C16orf96: variants seen among roughly 807,000 people sequenced by gnomAD.
C16orf96 encodes chromosome 16 open reading frame 96, also known as uncharacterized protein C16orf96.
A neutral mutation model predicts 103.6 loss-of-function variants in C16orf96; 108 were observed. The observed-to-expected ratio is 1.04, with a 90% CI of 0.89 to 1.22. The LOEUF is 1.22. C16orf96 is among the 50% of genes most tolerant of loss of function. The pLI, the probability that C16orf96 is intolerant of heterozygous loss-of-function variation, is 0.00. For missense variants in C16orf96, 1,586 were observed against 1,464.2 expected (o/e 1.08, Z -1.36); for synonymous variants, 566 against 593.5 (o/e 0.95, Z 0.67).
In C16orf96 at chr16:4,563,062, T is replaced by G. The variant is rs534528554; in HGVS notation, c.420+6153T>G. ...CAGAAGATGACAGAGCTCTCCAAGTTTCGCCTGTCTTTTGCTTCTTTACAG... is the reference window on the plus strand; with the variant it reads ...CAGAAGATGACAGAGCTCTCCAAGTGTCGCCTGTCTTTTGCTTCTTTACAG... On this transcript the variant is annotated intron_variant, in intron 1 of 15. Transcript: ENST00000444310. 145 of 850,268 alleles carry G rather than the reference T, an allele frequency of 1.7e-4. No individual in the cohort carries two copies. In the South Asian group the frequency reaches 1.8e-3, roughly 10 times the overall value. The allele number at this position is 850,268 out of a possible 1,614,324, so 52.7% of individuals were successfully genotyped here. A position where few individuals can be genotyped will look rare whatever the true frequency, so the allele number is the denominator to read the frequency against.
upstream of C16orf96, among the ~76,000 whole-genome samples, chr16:4,555,080 T>C (rs956820951): frequency 4.6e-5 from 7 of 151,528 alleles, no homozygotes; most frequent in African/African-American, 1.7e-4. Context: ...CTGGCCAACA[T>C]GGTGAAACCC....
the C16orf96 span, among the ~76,000 whole-genome samples, chr16:4,542,229 G>A: frequency 6.6e-6 from 1 of 152,144 alleles, no homozygotes; most frequent in East Asian, 1.9e-4. Context: ...GCCAGCTGTG[G>A]TGGCTCATGC....
At chr16:4,582,648 C>T (rs1316854015) in intron 7 of C16orf96, among the ~76,000 whole-genome samples, 4 of 152,090 alleles carry the variant, frequency 2.6e-5, no homozygotes, top group African/African-American at 9.7e-5. Flanking sequence ...GGAACCAGGT[C>T]TCCTGCCAAC....
At chr16:4,576,769 G>C (rs904498351) in intron 5 of C16orf96, 134 bp downstream of exon 5, 1 of 939,862 alleles carries the variant, frequency 1.1e-6, no homozygotes. Flanking sequence ...CTTTCCTTTG[G>C]CTTAAGCATT....
At chr16:4,599,201 G>T in intron 14 of C16orf96, 83 bp from the exon 15 acceptor site, 1 of 1,236,512 alleles carries the variant, frequency 8.1e-7, no homozygotes, top group Non-Finnish European at 1.2e-6. Flanking sequence ...CCACCAGAGG[G>T]AGACTGCCCA....
intron 1 of C16orf96, among the ~76,000 whole-genome samples, chr16:4,564,527 A>T (rs1269376508): frequency 6.6e-6 from 1 of 152,144 alleles, no homozygotes; most frequent in Non-Finnish European, 1.5e-5. Context: ...TTGGATTTTT[A>T]AGGCTGGGCG....
chr16:4,552,481 CA>C (rs58618088), upstream of C16orf96, among the ~76,000 whole-genome samples: 11,032 of 67,862 alleles, frequency 0.16, 605 homozygotes, highest in African/African-American at 0.3. Flanking sequence ...GACTCTGTCT[CA>C]AAAAAAAAAA....
Position 4,556,598 on chromosome 16 carries a change from A to G in C16orf96, c.109A>G (p.Ile37Val), listed in dbSNP as rs372783978. ...CCTGCTGCACGGCATCTTGGAGCAC[A>G]TCCACATGGCCGAGCTCAAGAAAGT... ...HLLLHGILEHIHMAELKKVLS... is the reference protein window; with the variant it reads ...HLLLHGILEHVHMAELKKVLS... The change falls in exon 1 of 16, where the codon ATC (isoleucine) becomes GTC (valine). Residue 37 changes from isoleucine (I) to valine (V), a missense_variant. By Grantham distance (29) the Ile-to-Val change is conservative (BLOSUM62 3). Coordinates refer to ENST00000444310, the MANE Select transcript of C16orf96 (RefSeq NM_001145011.2). 50 of 1,551,714 alleles carry G rather than the reference A, an allele frequency of 3.2e-5. No homozygotes were observed. Among genetic ancestry groups the G allele is most frequent in the Non-Finnish European group, 4.2e-5 (48 of 1,147,002 alleles).
At chr16:4,538,733 C>A in the C16orf96 span, 1 of 152,404 alleles carries the variant, frequency 6.6e-6, no homozygotes, top group East Asian at 1.9e-4. Context: ...GCGGCCGCAA[C>A]AGCAGGACCG....
chr16:4,588,697 A>G lies in C16orf96; in HGVS notation c.2592+366A>G, dbSNP rs546960128. ...CCAAGAGGGGAAGGAAGAAGCAGCA[A>G]TGTCTTTTTTTTTTTTTTTTTTTTT... On this transcript the variant is annotated intron_variant, in intron 9 of 15. Coordinates refer to ENST00000444310, the MANE Select transcript of C16orf96 (RefSeq NM_001145011.2). 6.7e-5 allele frequency among the ~76,000 whole-genome samples: 9 copies of G among 134,558 alleles called. No individual in the cohort carries two copies. In the South Asian group the frequency reaches 1.9e-3, roughly 29 times the overall value. 88.3% of individuals were successfully genotyped at this position (134,558 alleles called of 152,430 possible).
At chr16:4,578,442 A>G (rs9922148) in intron 5 of C16orf96, among the ~76,000 whole-genome samples, 16,700 of 151,822 alleles carry the variant, frequency 0.11, 1,821 homozygotes, top group African/African-American at 0.28. Flanking sequence ...TGCACCTGAT[A>G]AAAAAAATTT....
Position 4,571,576 on chromosome 16 carries a change from C to T in C16orf96, c.436C>T (p.Gln146Ter). 1 of 1,552,216 alleles carries T rather than the reference C, an allele frequency of 6.4e-7. No homozygotes were observed. The highest frequency in any genetic ancestry group is 1.2e-5 in the South Asian group (1 of 84,050). The part of the protein sequence containing the change: ...EVMAKSMQTL[Q>*]DLLTDLHALQ... ...TCTTTTGCAGTCAATGCAGACCCTGCAGGACTTGCTCACTGATCTTCATGC... is the reference window on the plus strand; with the variant it reads ...TCTTTTGCAGTCAATGCAGACCCTGTAGGACTTGCTCACTGATCTTCATGC... The change falls in exon 2 of 16, where the codon CAG becomes TAG. Residue 146 changes from glutamine (Q) to a stop codon, truncating the protein, a stop_gained. Transcript: ENST00000444310. LOFTEE classifies it high-confidence loss of function.
chr16:4,540,909 G>A, the C16orf96 span, among the ~76,000 whole-genome samples: 55,528 of 149,660 alleles, frequency 0.37, 10,974 homozygotes, highest in Middle Eastern at 0.51. Flanking sequence ...ATACCTGTCT[G>A]CAGTTTGGAT....
intron 12 of C16orf96, 88 bp from the exon 13 acceptor site, chr16:4,594,263 C>A: frequency 7.0e-7 from 1 of 1,430,502 alleles, no homozygotes; most frequent in Non-Finnish European, 9.4e-7. Context: ...GCTGGTCTTC[C>A]CTCGATGCTG....
intron 7 of C16orf96, among the ~76,000 whole-genome samples, chr16:4,583,750 G>A (rs538544531): frequency 5.0e-4 from 75 of 151,416 alleles, no homozygotes; most frequent in South Asian, 2.9e-3. Context: ...TGGTGAAACC[G>A]TGTCTCTACT....
intron 1 of C16orf96, among the ~76,000 whole-genome samples, chr16:4,567,793 G>A (rs1387384579): frequency 7.4e-6 from 1 of 135,148 alleles, no homozygotes; most frequent in East Asian, 2.5e-4. Flanking sequence ...CTGCTCCTGG[G>A]TTCAAGCAGT....
chr16:4,572,157 A>G (rs925321882), intron 2 of C16orf96, among the ~76,000 whole-genome samples: 7 of 151,812 alleles, frequency 4.6e-5, no homozygotes, highest in African/African-American at 1.7e-4. Flanking sequence ...CGACCCCTCC[A>G]TGCTTTCTAC....
At chr16:4,554,488 T>G (rs1465337608), upstream of C16orf96, among the ~76,000 whole-genome samples, 2 of 149,560 alleles carry the variant, frequency 1.3e-5, no homozygotes, top group African/African-American at 4.9e-5. Context: ...GTAGTTGGGA[T>G]TACAGGCACC....
chr16:4,568,154 C>G (rs74889278), intron 1 of C16orf96, among the ~76,000 whole-genome samples: 1,598 of 151,614 alleles, frequency 0.011, 25 homozygotes, highest in African/African-American at 0.035. Context: ...ATACTCCTGC[C>G]TCAAGCTCCC....
Sources: allele counts gnomAD v4.1 joint callset (sites outside exome capture counted in the v4.1 genomes callset), GRCh38; gene constraint gnomAD v4.1.1; transcripts MANE v1.5; gene names NCBI Gene and HGNC (gene_info 2026-07-23, HGNC 2026-07-21).